IQCM: variants seen among roughly 807,000 people sequenced by gnomAD.
IQCM encodes the protein IQ domain-containing protein M.
IQCM carries 45 observed loss-of-function variants against 57.6 expected under a neutral mutation model. The ratio of observed to expected loss-of-function variants is 0.78; its 90% CI spans 0.62 to 1.00. IQCM has a LOEUF of 1.00. Ranked by LOEUF, IQCM falls within the 50% of genes least tolerant of loss-of-function variation. The pLI, the probability that IQCM is intolerant of heterozygous loss-of-function variation, is 0.00. For missense variants in IQCM, 468 were observed against 511.6 expected (o/e 0.91, Z 0.82); for synonymous variants, 148 against 158.9 (o/e 0.93, Z 0.51).
intron 8 of IQCM, among the ~76,000 whole-genome samples, chr4:149,603,460 C>T (rs1049984034): frequency 1.7e-4 from 26 of 152,116 alleles, no homozygotes; most frequent in Admixed American, 1.7e-3. Context: ...GGTGTAGCCT[C>T]TTAATTACTA....
chr4:149,587,932 G>C lies in IQCM; in HGVS notation c.747C>G (p.Pro249=). 8.3e-7 allele frequency: 1 copy of C among 1,211,722 alleles called. No individual in the cohort carries two copies. The highest frequency in any genetic ancestry group is 1.0e-6 in the Non-Finnish European group (1 of 970,146). 75.1% of individuals were successfully genotyped at this position (1,211,722 alleles called of 1,614,324 possible). The change falls in exon 9 of 14, where the codon CCC becomes CCG. Residue 249 remains proline (P), a splice_region_variant and synonymous_variant. Coordinates refer to ENST00000636793, the MANE Select transcript of IQCM (RefSeq NM_001363507.2). ...QPIKPEPKSQ[P]RIKGTPNKTD... Reference sequence around the variant, plus strand: ...TTTCTATTATATAAAAGATATACCTGGGTTGTGATTTTGGTTCTGGCTTGA... The same window carrying C: ...TTTCTATTATATAAAAGATATACCTCGGTTGTGATTTTGGTTCTGGCTTGA...
intron 9 of IQCM, among the ~76,000 whole-genome samples, chr4:149,580,012 G>A (rs755170350): frequency 7.2e-5 from 11 of 151,786 alleles, no homozygotes; most frequent in Non-Finnish European, 1.2e-4. Flanking sequence ...AGTGTGGTCT[G>A]AGCACAAGCA....
chr4:149,362,959 G>A (rs1196555944), intron 13 of IQCM, among the ~76,000 whole-genome samples: 2 of 152,130 alleles, frequency 1.3e-5, no homozygotes, highest in Non-Finnish European at 2.9e-5. Flanking sequence ...TATGTGCTCT[G>A]GAATGCCTCT....
chr4:149,674,380 C>T (rs552801751), intron 7 of IQCM, among the ~76,000 whole-genome samples: 9 of 152,182 alleles, frequency 5.9e-5, no homozygotes, highest in Middle Eastern at 3.4e-3. Context: ...TTAGTATGAA[C>T]AAATCAGTCA....
chr4:149,388,087 T>C (rs891536410), intron 13 of IQCM, among the ~76,000 whole-genome samples: 3 of 152,076 alleles, frequency 2.0e-5, no homozygotes, highest in Non-Finnish European at 4.4e-5. Context: ...CATTCTTCAG[T>C]TGATGGACAT....
intron 12 of IQCM, among the ~76,000 whole-genome samples, chr4:149,446,203 C>A (rs1297457653): frequency 6.6e-6 from 1 of 151,644 alleles, no homozygotes; most frequent in African/African-American, 2.4e-5. Flanking sequence ...TTGGAATAAG[C>A]TGTTCACACT....
chr4:149,426,523 T>A (rs1378502896), intron 13 of IQCM, among the ~76,000 whole-genome samples: 1 of 151,938 alleles, frequency 6.6e-6, no homozygotes, highest in Non-Finnish European at 1.5e-5. Context: ...CTGGGTAGCT[T>A]TACTAGGTGG....
At chr4:149,726,722 T>G (rs184194310) in intron 5 of IQCM, among the ~76,000 whole-genome samples, 2 of 152,242 alleles carry the variant, frequency 1.3e-5, no homozygotes, top group East Asian at 3.9e-4. Flanking sequence ...AAATATACAC[T>G]GGATTTTGAA....
chr4:149,386,723 GT>G (rs949891498), intron 13 of IQCM, among the ~76,000 whole-genome samples: 18 of 151,148 alleles, frequency 1.2e-4, no homozygotes, highest in African/African-American at 4.4e-4. Flanking sequence ...CCTTTGTCAG[GT>G]TTTTTTTTAA....
chr4:149,442,823 A>C (rs931860676), intron 12 of IQCM, among the ~76,000 whole-genome samples: 1 of 151,854 alleles, frequency 6.6e-6, no homozygotes, highest in Non-Finnish European at 1.5e-5. Context: ...AGGCTCCTCA[A>C]TATCGTAGCC....
At chr4:149,437,235 C>T (rs1579053122) in intron 12 of IQCM, among the ~76,000 whole-genome samples, 1 of 152,116 alleles carries the variant, frequency 6.6e-6, no homozygotes, top group African/African-American at 2.4e-5. Context: ...TATCACCCTT[C>T]CAATCTTTTT....
intron 12 of IQCM, among the ~76,000 whole-genome samples, chr4:149,469,686 T>C (rs949477932): frequency 6.6e-6 from 1 of 151,832 alleles, no homozygotes; most frequent in Non-Finnish European, 1.5e-5. Flanking sequence ...TTCACCAAAG[T>C]TGAAATGAAG....
chr4:149,547,052 A>T lies in IQCM; in HGVS notation c.1228+1403T>A, dbSNP rs556618962. Among the ~76,000 whole-genome samples, 67 of 150,844 alleles carry T rather than the reference A, an allele frequency of 4.4e-4. 1 individual carries two copies. The highest frequency in any genetic ancestry group is 1.5e-3 in the African/African-American group (62 of 41,034). On this transcript the variant is annotated intron_variant, in intron 12 of 13. Coordinates refer to ENST00000636793, the MANE Select transcript of IQCM (RefSeq NM_001363507.2). ...CTTTCTACATATGGCTAGCCAGTTT[A>T]CCCAGCACCATTTATTAAATAGGGA...
At chr4:149,423,843 T>A (rs1734283682) in intron 13 of IQCM, among the ~76,000 whole-genome samples, 1 of 151,966 alleles carries the variant, frequency 6.6e-6, no homozygotes, top group Non-Finnish European at 1.5e-5. Context: ...TCACCTTGGA[T>A]TTTTGCCTCC....
chr4:149,760,474 A>C (rs556106695), intron 2 of IQCM, among the ~76,000 whole-genome samples: 265 of 152,270 alleles, frequency 1.7e-3, no homozygotes, highest in Middle Eastern at 3.4e-3. Flanking sequence ...ATAGCTCATT[A>C]ACAGAAATCA....
intron 12 of IQCM, among the ~76,000 whole-genome samples, chr4:149,481,710 T>TTTGTTTGTTTG (rs1740883158): frequency 7.2e-6 from 1 of 138,412 alleles, no homozygotes; most frequent in African/African-American, 2.6e-5. Flanking sequence ...TGTTTTTTTT[T>TTTGTTTGTTTG]TTTTTTTTTT....
At chr4:149,776,832 C>T (rs968766476) in intron 2 of IQCM, among the ~76,000 whole-genome samples, 23 of 151,886 alleles carry the variant, frequency 1.5e-4, no homozygotes, top group African/African-American at 5.6e-4. Flanking sequence ...ATACATAGAA[C>T]ATTCAAGAGT....
At chr4:149,372,732 A>G (rs1206785467) in intron 13 of IQCM, among the ~76,000 whole-genome samples, 1 of 152,120 alleles carries the variant, frequency 6.6e-6, no homozygotes, top group South Asian at 2.1e-4. Context: ...GTTTAAGAAA[A>G]TCAATTTGTA....
chr4:149,701,274 A>T (rs867950048), intron 5 of IQCM, among the ~76,000 whole-genome samples: 1 of 152,018 alleles, frequency 6.6e-6, no homozygotes, highest in Non-Finnish European at 1.5e-5. Flanking sequence ...TAATTTTTTC[A>T]TGTGTTGGGG....
Sources: gnomAD v4.1 joint callset for allele counts (sites outside exome capture counted in the v4.1 genomes callset) on GRCh38, gnomAD v4.1.1 for gene constraint, MANE v1.5 for transcripts, NCBI Gene and HGNC (gene_info 2026-07-23, HGNC 2026-07-21) for gene names.